Variants in PDE6C observed in about 807,000 individuals in gnomAD.
The protein encoded by PDE6C is phosphodiesterase 6C.
Under a neutral mutation model 113.1 loss-of-function variants are expected in PDE6C, and 75 were observed. The ratio of observed to expected loss-of-function variants is 0.66; its 90% confidence interval spans 0.55 to 0.80. The LOEUF is 0.80. Ranked by LOEUF, PDE6C falls within the 30% of genes least tolerant of loss-of-function variation. The pLI, the probability that PDE6C is intolerant of heterozygous loss-of-function variation, is 0.00. For missense variants in PDE6C, 912 were observed against 1,038.6 expected, an observed-to-expected ratio of 0.88 and a Z score of 1.67; for synonymous variants, 375 against 363.7, an observed-to-expected ratio of 1.03 and a Z score of -0.35.
chr10:93,623,351 TG>T (rs1454764928), intron 4 of PDE6C, among the ~76,000 whole-genome samples: 1 of 152,248 alleles, frequency 6.6e-6, no homozygotes, highest in African/African-American at 2.4e-5. Flanking sequence ...TTGTATATTA[TG>T]GGTCCAAGTC....
At chr10:93,615,059 C>T (rs983863094) in intron 1 of PDE6C, among the ~76,000 whole-genome samples, 1 of 152,166 alleles carries the variant, frequency 6.6e-6, no homozygotes, top group African/African-American at 2.4e-5. Context: ...TGGGAGGCCA[C>T]GGCGGGTGGA....
chr10:93,665,575 A>C lies in PDE6C; in HGVS notation c.*157A>C. 1.6e-6 allele frequency: 1 copy of C among 625,558 alleles called. No homozygotes were observed. Among genetic ancestry groups the C allele is most frequent in the South Asian group, 1.9e-5 (1 of 51,874 alleles). The allele number at this position is 625,558 out of a possible 1,614,324, so 38.8% of individuals were successfully genotyped here. On this transcript the variant is annotated 3_prime_UTR_variant, in exon 22 of 22. Coordinates refer to ENST00000371447, the MANE Select transcript of PDE6C (RefSeq NM_006204.4). ...TATATATTGCTAGCCCAAAAATCCCAGGGGCAAAATAAAGTTCAACAAAAG... is the reference window on the plus strand; with the variant it reads ...TATATATTGCTAGCCCAAAAATCCCCGGGGCAAAATAAAGTTCAACAAAAG...
chr10:93,652,530 A>G (rs1176627794), intron 15 of PDE6C, among the ~76,000 whole-genome samples: 1 of 152,240 alleles, frequency 6.6e-6, no homozygotes, highest in Non-Finnish European at 1.5e-5. Flanking sequence ...TGAAATGGTG[A>G]CTATAAACCC....
intron 4 of PDE6C, 99 bp from the exon 5 acceptor site, chr10:93,625,476 G>A (rs1424222301): frequency 1.4e-5 from 12 of 857,586 alleles, no homozygotes; most frequent in South Asian, 2.8e-5. Context: ...CCAGAATTAC[G>A]TAGATTAACA....
At position 93,663,167 on chromosome 10, in the gene PDE6C, G is replaced by C. The variant is rs2058674496; in HGVS notation, c.2507G>C (p.Gly836Ala). The C allele has an allele frequency of 6.2e-7, 1 of 1,613,372 alleles. No homozygotes were observed. ...IEEEAKKQEG[G>A]AEKAAEDSGG... ...GAGGAGGCAAAAAAGCAAGAAGGAG[G>C]AGCCGAAAAAGGTTAGATGGGCTCT... is the stretch of plus-strand genomic sequence containing the variant. Residue 836 changes from glycine to alanine, a missense_variant, in exon 21 of 22, where the codon GGA becomes GCA. Physicochemically the swap from Gly to Ala is moderately conservative, Grantham distance 60. Coordinates refer to ENST00000371447, the MANE Select transcript of PDE6C (RefSeq NM_006204.4).
intron 4 of PDE6C, among the ~76,000 whole-genome samples, chr10:93,625,135 A>G (rs1188890783): frequency 6.6e-6 from 1 of 152,156 alleles, no homozygotes; most frequent in African/African-American, 2.4e-5. Flanking sequence ...CTGATACTCA[A>G]ATCGCATCAG....
chr10:93,660,357 G>T (rs779004911), intron 18 of PDE6C, among the ~76,000 whole-genome samples: 6 of 152,194 alleles, frequency 3.9e-5, no homozygotes, highest in African/African-American at 4.8e-5. Flanking sequence ...TGGAGAAATA[G>T]AATTCAACAA....
At chr10:93,662,435 C>T (rs1316352503) in intron 19 of PDE6C, 125 bp from the exon 20 acceptor site, 6 of 550,372 alleles carry the variant, frequency 1.1e-5, no homozygotes, top group African/African-American at 2.2e-5. Flanking sequence ...TGCACCCAGA[C>T]TGGAGACAGA....
intron 8 of PDE6C, among the ~76,000 whole-genome samples, chr10:93,630,616 A>G (rs575162849): frequency 1.3e-5 from 2 of 152,112 alleles, no homozygotes; most frequent in African/African-American, 4.8e-5. Context: ...GATCTCAGTC[A>G]CAAATAGAGA....
chr10:93,641,159 GGATTCTAT>G (rs1194559989), intron 14 of PDE6C, 130 bp downstream of exon 14: 2 of 659,556 alleles, frequency 3.0e-6, no homozygotes, highest in African/African-American at 3.6e-5. Flanking sequence ...TTCCAGGGCT[GGATTCTAT>G]TCCCTCCCAA....
Position 93,635,054 on chromosome 10 carries a change from C to A in PDE6C, c.1269+147C>A. 13 of 943,644 alleles carry A rather than the reference C, an allele frequency of 1.4e-5. No individual in the cohort carries two copies. In the South Asian group the frequency reaches 1.8e-4, roughly 13 times the overall value. The allele number at this position is 943,644 out of a possible 1,614,324, so 58.5% of individuals were successfully genotyped here. ...TGTAACCAATATGTTGTTATTTTGT[C>A]GTTTCTATTTCCTGACTTCTATAAA... On this transcript the variant is annotated intron_variant, in intron 9 of 21. Transcript: ENST00000371447.
chr10:93,620,006 ATTG>A (rs1198202471), intron 1 of PDE6C, among the ~76,000 whole-genome samples: 1 of 152,186 alleles, frequency 6.6e-6, no homozygotes, highest in Non-Finnish European at 1.5e-5. Context: ...TCCCTAAGAC[ATTG>A]TTAAGTGATG....
rs114524898 is a variant in PDE6C at position 93,664,417 on chromosome 10, G to C, written c.2519-943G>C. On this transcript the variant is annotated intron_variant, in intron 21 of 21. Transcript: ENST00000371447. ...ATAGCTGGAGTCTAGAGAGTAAAGAGTGCGAAGTACATATGAAGCTGGTAG... is the reference window on the plus strand; with the variant it reads ...ATAGCTGGAGTCTAGAGAGTAAAGACTGCGAAGTACATATGAAGCTGGTAG... 7.9e-3 allele frequency among the ~76,000 whole-genome samples: 1,197 copies of C among 152,328 alleles called. 16 individuals are homozygous for C. The highest frequency in any genetic ancestry group is 0.025 in the African/African-American group (1,058 of 41,562).
At chr10:93,632,223 A>T (rs1380963942) in intron 8 of PDE6C, among the ~76,000 whole-genome samples, 4 of 152,146 alleles carry the variant, frequency 2.6e-5, no homozygotes, top group African/African-American at 9.7e-5. Flanking sequence ...CATCCAGGCT[A>T]ATTTCCCCAT....
chr10:93,623,362 C>T (rs2058457721), intron 4 of PDE6C, among the ~76,000 whole-genome samples: 1 of 152,166 alleles, frequency 6.6e-6, no homozygotes, highest in Admixed American at 6.5e-5. Context: ...GGGTCCAAGT[C>T]CTTTACCAAA....
At chr10:93,613,310 C>A in intron 1 of PDE6C, 105 bp downstream of exon 1, 2 of 1,488,578 alleles carry the variant, frequency 1.3e-6, no homozygotes, top group East Asian at 2.4e-5. Context: ...TGGCAATAAC[C>A]GGGGGAATGT....
Position 93,665,279 on chromosome 10 carries a change from A to T in PDE6C, c.2519-81A>T. 3.9e-6 allele frequency: 4 copies of T among 1,035,870 alleles called. No homozygotes were observed. The Admixed American group carries it at 6.8e-5, about 18-fold the overall frequency. 64.2% of individuals were successfully genotyped at this position (1,035,870 alleles called of 1,614,324 possible). A position where few individuals can be genotyped will look rare whatever the true frequency, so the allele number is the denominator to read the frequency against. ...TGACTAATTAGTCTACAAAGTTGAC[A>T]CTACTATCATGGGAATGTTAGAATA... is the stretch of plus-strand genomic sequence containing the variant. On this transcript the variant is annotated intron_variant, in intron 21 of 21. Transcript: ENST00000371447.
At position 93,658,946 on chromosome 10, in the gene PDE6C, G is replaced by A. The variant is rs150112560; in HGVS notation, c.2082G>A (p.Met694Ile). The A allele has an allele frequency of 1.6e-3, 2,526 of 1,613,156 alleles. 5 individuals are homozygous for A. The highest frequency in any genetic ancestry group is 1.7e-3 in the Admixed American group (101 of 60,004). ...FQKIVDACEQ[M>I]QTEEEAIKYV... ...AAATTGTTGATGCCTGTGAACAAATGCAAACGGAAGAAGAAGCCATCAAAT... is the reference window on the plus strand; with the variant it reads ...AAATTGTTGATGCCTGTGAACAAATACAAACGGAAGAAGAAGCCATCAAAT... The change falls in exon 17 of 22, where the codon ATG becomes ATA. Residue 694 changes from methionine (M) to isoleucine (I), a missense_variant. Coordinates refer to ENST00000371447, the MANE Select transcript of PDE6C (RefSeq NM_006204.4).
chr10:93,622,640 T>TTTG (rs2058452753), intron 4 of PDE6C, among the ~76,000 whole-genome samples: 1 of 5,304 alleles, frequency 1.9e-4, no homozygotes, highest in African/African-American at 2.2e-4. Context: ...TAGCCACAGG[T>TTTG]TTTTTTTTTG....
Sources: allele counts gnomAD v4.1 joint callset (sites outside exome capture counted in the v4.1 genomes callset), GRCh38; gene constraint gnomAD v4.1.1; transcripts MANE v1.5; gene names NCBI Gene and HGNC (gene_info 2026-07-23, HGNC 2026-07-21).